The following DNAH7 variants were observed in gnomAD, a reference collection of about 807,000 sequenced individuals.
DNAH7 encodes axonemal beta dynein heavy chain 7.
A neutral mutation model predicts 444.6 loss-of-function variants in DNAH7; 397 were observed. The ratio of observed to expected loss-of-function variants is 0.89; its 90% CI spans 0.82 to 0.97. DNAH7 has a LOEUF of 0.97. Ranked by LOEUF, DNAH7 falls within the 50% of genes least tolerant of loss-of-function variation. DNAH7 has a pLI of 0.00. For missense variants in DNAH7, 4,902 were observed against 4,800.8 expected, an observed-to-expected ratio of 1.02 and a Z score of -0.62; for synonymous variants, 1,636 against 1,624.4, an observed-to-expected ratio of 1.01 and a Z score of -0.17.
At position 195,853,496 on chromosome 2, in the gene DNAH7, A is replaced by C. The variant is rs747178733; in HGVS notation, c.8628T>G (p.Ala2876=). Residue 2876 remains alanine (A), a synonymous_variant, in exon 46 of 65, where the codon GCT becomes GCG. Coordinates refer to ENST00000312428, the MANE Select transcript of DNAH7 (RefSeq NM_018897.3). ...CTCCAAGGCCTCCAATCAACTGTTC[A>C]GCTCGTTCTAGTTTTTTGCTGCAAA... ...VDLCSKKLER[A]EQLIGGLGGE... is the part of the protein sequence containing the mutation. 4.0e-5 allele frequency: 65 copies of C among 1,610,820 alleles called. No homozygotes were observed. Among genetic ancestry groups the C allele is most frequent in the Non-Finnish European group, 5.2e-5 (61 of 1,178,532 alleles).
chr2:196,025,204 C>A (rs923496507), intron 7 of DNAH7, among the ~76,000 whole-genome samples: 1 of 152,142 alleles, frequency 6.6e-6, no homozygotes, highest in Non-Finnish European at 1.5e-5. Context: ...TACCAAGGAA[C>A]AACAGTATTG....
chr2:195,744,226 C>T lies in DNAH7; in HGVS notation c.11765-3357G>A, dbSNP rs373194525. ...AGGAGATTATATCCCACACCTGGCT[C>T]GGAGGGGCCTACGCCCACGGAGTCT... is the stretch of plus-strand genomic sequence containing the variant. On this transcript the variant is annotated intron_variant, in intron 63 of 64. Transcript: ENST00000312428. 2.2e-4 allele frequency among the ~76,000 whole-genome samples: 33 copies of T among 152,370 alleles called. No homozygotes were observed. In the East Asian group the frequency reaches 4.1e-3, roughly 19 times the overall value.
chr2:196,028,566 T>A (rs1695835692), intron 5 of DNAH7, among the ~76,000 whole-genome samples: 1 of 152,218 alleles, frequency 6.6e-6, no homozygotes, highest in African/African-American at 2.4e-5. Flanking sequence ...ATTGGGTATG[T>A]GTTCATATAA....
At chr2:195,891,875 A>G in intron 30 of DNAH7, 71 bp from the exon 31 acceptor site, 1 of 1,238,788 alleles carries the variant, frequency 8.1e-7, no homozygotes, top group Middle Eastern at 2.0e-4. Flanking sequence ...ATTATTGCAC[A>G]TACAGAAAAT....
At chr2:196,057,752 T>C (rs1697897056) in intron 2 of DNAH7, among the ~76,000 whole-genome samples, 1 of 152,176 alleles carries the variant, frequency 6.6e-6, no homozygotes, top group South Asian at 2.1e-4. Flanking sequence ...TCTGTAGAAG[T>C]TATAATAGTT....
intron 58 of DNAH7, among the ~76,000 whole-genome samples, chr2:195,783,512 T>C (rs1358459343): frequency 6.6e-6 from 1 of 152,178 alleles, no homozygotes; most frequent in South Asian, 2.1e-4. Flanking sequence ...CACATGGCTG[T>C]CTTCCTTCTC....
chr2:195,982,606 A>G (rs960184654), intron 15 of DNAH7, among the ~76,000 whole-genome samples: 1 of 152,250 alleles, frequency 6.6e-6, no homozygotes. Flanking sequence ...ATGAATAGAA[A>G]AAGAAAATGT....
At chr2:195,851,666 G>T (rs1033096749) in intron 46 of DNAH7, among the ~76,000 whole-genome samples, 2 of 152,270 alleles carry the variant, frequency 1.3e-5, no homozygotes, top group Admixed American at 6.5e-5. Context: ...AGAGGGCCTG[G>T]TTGGGAGGAT....
chr2:195,993,430 CA>C (rs142658427), intron 12 of DNAH7, among the ~76,000 whole-genome samples: 1,702 of 152,078 alleles, frequency 0.011, 34 homozygotes, highest in East Asian at 0.071. Context: ...AAAAAAAATA[CA>C]AAAAGTCTAA....
intron 10 of DNAH7, among the ~76,000 whole-genome samples, chr2:196,009,462 G>A (rs930129469): frequency 6.6e-6 from 1 of 152,110 alleles, no homozygotes; most frequent in Non-Finnish European, 1.5e-5. Context: ...AAGTCCCAAG[G>A]TTTTCAACTT....
chr2:195,746,545 T>G (rs1198381446), intron 63 of DNAH7, among the ~76,000 whole-genome samples: 3 of 152,156 alleles, frequency 2.0e-5, no homozygotes, highest in Admixed American at 2.0e-4. Flanking sequence ...GAATATACAT[T>G]TTTTTCAGCA....
chr2:196,044,063 C>T (rs1381675138), intron 5 of DNAH7, among the ~76,000 whole-genome samples: 1 of 151,880 alleles, frequency 6.6e-6, no homozygotes, highest in East Asian at 1.9e-4. Flanking sequence ...AGTATCTACC[C>T]AGAGGAAAAT....
intron 27 of DNAH7, chr2:195,904,372 G>A (rs1686888570): frequency 6.6e-6 from 1 of 152,636 alleles, no homozygotes. Context: ...GCACTTGAGA[G>A]AGAGAAAATA....
At chr2:195,977,702 T>C (rs1692297038) in intron 15 of DNAH7, among the ~76,000 whole-genome samples, 1 of 151,920 alleles carries the variant, frequency 6.6e-6, no homozygotes, top group Non-Finnish European at 1.5e-5. Context: ...TATTTAATAA[T>C]CAAACTCCCA....
intron 51 of DNAH7, among the ~76,000 whole-genome samples, chr2:195,811,887 C>T (rs531460939): frequency 7.2e-5 from 11 of 152,204 alleles, no homozygotes; most frequent in African/African-American, 2.4e-4. Context: ...GGCTGGCTGT[C>T]TTGGTTCATT....
rs774556682 is a variant in DNAH7, at chr2:195,858,528, A to G, written c.8013T>C (p.Gly2671=). 6.2e-7 allele frequency: 1 copy of G among 1,613,574 alleles called. No homozygotes were observed. The highest frequency in any genetic ancestry group is 8.5e-7 in the Non-Finnish European group (1 of 1,179,840). ...GTGCTGACTCTAATATTGGCAAGGCACCTGCCAGGTCAGCATCGCACTCAT... is the reference window on the plus strand; with the variant it reads ...GTGCTGACTCTAATATTGGCAAGGCGCCTGCCAGGTCAGCATCGCACTCAT... ...IKDECDADLA[G]ALPILESALA... Residue 2671 remains glycine, a synonymous_variant, in exon 43 of 65, where the codon GGT becomes GGC. Coordinates refer to ENST00000312428, the MANE Select transcript of DNAH7 (RefSeq NM_018897.3).
At chr2:195,879,260 G>A (rs1701230953) in intron 36 of DNAH7, among the ~76,000 whole-genome samples, 1 of 151,942 alleles carries the variant, frequency 6.6e-6, no homozygotes, top group Admixed American at 6.6e-5. Context: ...TAAATGATCA[G>A]AAATACTTAA....
chr2:195,768,101 A>C (rs550694276), intron 61 of DNAH7, among the ~76,000 whole-genome samples: 289 of 150,420 alleles, frequency 1.9e-3, no homozygotes, highest in African/African-American at 6.8e-3. Flanking sequence ...GTATTAAGAG[A>C]TAAAGGGGTA....
At chr2:195,870,865 G>A (rs778996011) in intron 40 of DNAH7, among the ~76,000 whole-genome samples, 1 of 152,148 alleles carries the variant, frequency 6.6e-6, no homozygotes, top group African/African-American at 2.4e-5. Context: ...GTTTAGGTAC[G>A]TTTTATAACA....
Sources: gnomAD v4.1 joint callset for allele counts (sites outside exome capture counted in the v4.1 genomes callset) on GRCh38, gnomAD v4.1.1 for gene constraint, MANE v1.5 for transcripts, NCBI Gene and HGNC (gene_info 2026-07-23, HGNC 2026-07-21) for gene names.